ACTR3C: variants seen among roughly 807,000 people sequenced by gnomAD.
The protein encoded by ACTR3C is actin-related protein 3C.
In ACTR3C, 18 loss-of-function variants were observed where a neutral mutation model predicts 26.3. The ratio of observed to expected loss-of-function variants is 0.68; its 90% CI spans 0.47 to 1.01. The LOEUF (loss-of-function observed/expected upper bound fraction) is 1.01, where lower values mean the gene tolerates loss of function less well. Among genes scored for constraint, ACTR3C ranks in the 50% least tolerant of loss-of-function variants. ACTR3C has a pLI of 0.00. For missense variants in ACTR3C, 184 were observed against 250.7 expected (o/e 0.73, Z 1.80); for synonymous variants, 55 against 94.5 (o/e 0.58, Z 2.42).
chr7:150,091,962 T>A, the ACTR3C span, among the ~76,000 whole-genome samples: 2 of 103,730 alleles, frequency 1.9e-5, no homozygotes, highest in Admixed American at 1.6e-4. Flanking sequence ...CACTCCAGCC[T>A]GGGCGACAGA....
chr7:150,040,016 G>C, the ACTR3C span, among the ~76,000 whole-genome samples: 14 of 144,812 alleles, frequency 9.7e-5, no homozygotes, highest in East Asian at 2.9e-3. Context: ...CAAGAGCCAG[G>C]CGGGGAAGAG....
Position 150,284,842 on chromosome 7 carries a change from C to A in ACTR3C, c.475G>T (p.Ala159Ser). ...GPEIFFHPEF[A>S]NPDSMESISD... ...ATGGACTCCATAGAGTCTGGGTTGG[C>A]AAACTGAATTGTATATCAATATAAA... Residue 159 changes from alanine to serine, a missense_variant, in exon 6 of 8, where the codon GCC becomes TCC. Coordinates refer to ENST00000683684, the MANE Select transcript of ACTR3C (RefSeq NM_001164458.2). The A allele has an allele frequency of 6.2e-7, 1 of 1,608,476 alleles. No individual in the cohort carries two copies. Among genetic ancestry groups the A allele is most frequent in the Non-Finnish European group, 8.5e-7 (1 of 1,178,008 alleles).
the ACTR3C span, among the ~76,000 whole-genome samples, chr7:150,156,556 G>GGA: frequency 3.3e-5 from 5 of 150,318 alleles, no homozygotes; most frequent in Admixed American, 2.0e-4. Flanking sequence ...GAGAGAGAGA[G>GGA]GAGAGAGAGA....
intron 6 of ACTR3C, among the ~76,000 whole-genome samples, chr7:150,249,472 G>C (rs1460396500): frequency 2.6e-5 from 4 of 152,040 alleles, no homozygotes; most frequent in African/African-American, 9.7e-5. Flanking sequence ...TATTGTTTTT[G>C]AGATGGAGTC....
chr7:150,227,020 G>A, the ACTR3C span, among the ~76,000 whole-genome samples: 4 of 146,104 alleles, frequency 2.7e-5, no homozygotes, highest in African/African-American at 8.1e-5. Flanking sequence ...AGCACATTGT[G>A]TATATTTATG....
the ACTR3C span, among the ~76,000 whole-genome samples, chr7:150,209,531 G>A: frequency 1.3e-5 from 2 of 150,522 alleles, no homozygotes; most frequent in Non-Finnish European, 2.9e-5. Context: ...ATGGTGTTAG[G>A]ATATATCAAA....
intron 6 of ACTR3C, among the ~76,000 whole-genome samples, chr7:150,272,690 GTTTT>G (rs201919346): frequency 0.038 from 4,320 of 113,982 alleles, 1,097 homozygotes; most frequent in African/African-American, 0.16. Context: ...TGTTTTTTTG[GTTTT>G]TTTTTTTTTT....
chr7:150,061,344 A>G, the ACTR3C span, among the ~76,000 whole-genome samples: 1 of 150,318 alleles, frequency 6.7e-6, no homozygotes, highest in Non-Finnish European at 1.5e-5. Flanking sequence ...TCTTTGAAAA[A>G]CTACAGATTC....
the ACTR3C span, among the ~76,000 whole-genome samples, chr7:150,033,831 T>C: frequency 3.3e-5 from 5 of 150,060 alleles, no homozygotes; most frequent in Non-Finnish European, 3.0e-5. Context: ...AGTCCCTGCC[T>C]CGTGGGGGGT....
the ACTR3C span, among the ~76,000 whole-genome samples, chr7:150,161,435 A>G: frequency 6.6e-6 from 1 of 151,364 alleles, no homozygotes; most frequent in East Asian, 1.9e-4. Context: ...TCATTGTTCA[A>G]TTACCACATA....
At chr7:150,137,889 T>C in the ACTR3C span, among the ~76,000 whole-genome samples, 1 of 152,184 alleles carries the variant, frequency 6.6e-6, no homozygotes, top group Non-Finnish European at 1.5e-5. Flanking sequence ...ACTGCTAAAA[T>C]GTAGAGTATT....
At chr7:149,893,296 C>T in the ACTR3C span, among the ~76,000 whole-genome samples, 1 of 152,210 alleles carries the variant, frequency 6.6e-6, no homozygotes, top group Non-Finnish European at 1.5e-5. Flanking sequence ...TGCATTAAGG[C>T]ATTTTTCTGG....
At chr7:149,923,804 C>A in the ACTR3C span, among the ~76,000 whole-genome samples, 3 of 151,768 alleles carry the variant, frequency 2.0e-5, no homozygotes, top group African/African-American at 4.8e-5. Flanking sequence ...TCGAGACCAG[C>A]CTAGCCAACA....
At chr7:150,081,388 G>A in the ACTR3C span, among the ~76,000 whole-genome samples, 2 of 151,538 alleles carry the variant, frequency 1.3e-5, no homozygotes, top group Admixed American at 6.6e-5. Context: ...AGTAAGGAGA[G>A]GCTGGCTTTA....
chr7:150,266,642 A>T (rs1224912464), intron 6 of ACTR3C, among the ~76,000 whole-genome samples: 1 of 152,240 alleles, frequency 6.6e-6, no homozygotes, highest in Non-Finnish European at 1.5e-5. Flanking sequence ...GACAAGCCAC[A>T]GACTAGAAAA....
intron 6 of ACTR3C, among the ~76,000 whole-genome samples, chr7:150,255,194 A>G (rs1833121457): frequency 6.6e-6 from 1 of 151,376 alleles, no homozygotes; most frequent in African/African-American, 2.4e-5. Flanking sequence ...TGCTGGGGCG[A>G]AGATGCTTCC....
the ACTR3C span, among the ~76,000 whole-genome samples, chr7:150,038,720 C>A: frequency 1.9e-4 from 27 of 140,678 alleles, 1 homozygote; most frequent in Non-Finnish European, 3.6e-4. Context: ...CCAGGTGGGT[C>A]CTAAGGATCT....
intron 6 of ACTR3C, among the ~76,000 whole-genome samples, chr7:150,260,506 A>G (rs960036220): frequency 9.9e-5 from 15 of 152,216 alleles, no homozygotes; most frequent in Admixed American, 3.9e-4. Context: ...TCAGTTCCTA[A>G]TCCTTTTGTT....
the ACTR3C span, among the ~76,000 whole-genome samples, chr7:150,143,547 C>T: frequency 1.9e-4 from 29 of 152,218 alleles, no homozygotes; most frequent in African/African-American, 7.0e-4. Context: ...ATGGAACCTT[C>T]CCAGCTCTCC....
Sources: gnomAD v4.1 joint callset for allele counts (sites outside exome capture counted in the v4.1 genomes callset) on GRCh38, gnomAD v4.1.1 for gene constraint, MANE v1.5 for transcripts, NCBI Gene and HGNC (gene_info 2026-07-23, HGNC 2026-07-21) for gene names.